The following LDB3 variants were observed in gnomAD, a reference collection of about 807,000 sequenced individuals.
LDB3 encodes LIM domain binding 3.
In LDB3, 49 loss-of-function variants were observed where a neutral mutation model predicts 69.0. That is an observed-to-expected ratio of 0.71 (90% CI 0.56 to 0.90). The LOEUF (loss-of-function observed/expected upper bound fraction) is 0.90. Among genes scored for constraint, LDB3 ranks in the 40% least tolerant of loss-of-function variants. The probability of loss-of-function intolerance (pLI) is 0.00; values close to 1 mark genes in which losing one functional copy is unlikely to be tolerated. For missense variants in LDB3, 928 were observed against 974.1 expected (o/e 0.95, Z 0.63); for synonymous variants, 387 against 396.2 (o/e 0.98, Z 0.28).
intron 7 of LDB3, chr10:86,700,072 C>T (rs1846194371): frequency 1.0e-6 from 1 of 985,790 alleles, no homozygotes; most frequent in Non-Finnish European, 1.2e-6. Context: ...TCATGCTGTG[C>T]CTGTGTGTGT....
upstream of LDB3, among the ~76,000 whole-genome samples, chr10:86,667,457 T>C (rs1262319999): frequency 6.6e-6 from 1 of 152,222 alleles, no homozygotes; most frequent in Non-Finnish European, 1.5e-5. Flanking sequence ...AAGACCGCAC[T>C]GGCAGAAGTC....
Position 86,689,470 on chromosome 10 carries a change from T to G in LDB3, c.690-2426T>G, listed in dbSNP as rs571416528. 5.9e-5 allele frequency among the ~76,000 whole-genome samples: 9 copies of G among 152,324 alleles called. No individual in the cohort carries two copies. The East Asian group carries it at 1.3e-3, about 23-fold the overall frequency. ...GCAAGTACTTGTCTCTTGGGGTTTG[T>G]CCAAATAATGTCACTGTGGTCACAG... On this transcript the variant is annotated intron_variant, in intron 5 of 13. Coordinates refer to ENST00000361373, the MANE Select transcript of LDB3 (RefSeq NM_007078.3).
chr10:86,681,559 C>T lies in LDB3; in HGVS notation c.445C>T (p.Pro149Ser). Residue 149 changes from proline to serine, a missense_variant, in exon 5 of 14, where the codon CCC (proline) becomes TCC (serine). Coordinates refer to ENST00000361373, the MANE Select transcript of LDB3 (RefSeq NM_007078.3). The stretch of plus-strand genomic sequence containing the variant: ...CACCTTTAGCCCTGCCTTCTCCCGG[C>T]CCTCCGCCTTCTCCTCACTCGCCGA... ...RPTFSPAFSRPSAFSSLAEAS... is the reference protein window; with the variant it reads ...RPTFSPAFSRSSAFSSLAEAS... 6.2e-7 allele frequency: 1 copy of T among 1,613,024 alleles called. No individual in the cohort carries two copies. Among genetic ancestry groups the T allele is most frequent in the Non-Finnish European group, 8.5e-7 (1 of 1,179,814 alleles).
At chr10:86,668,852 C>A in intron 2 of LDB3, 68 bp downstream of exon 2, 2 of 1,195,042 alleles carry the variant, frequency 1.7e-6, no homozygotes, top group East Asian at 2.4e-5. Context: ...CATGTGTGTC[C>A]GTCTGTCTGT....
chr10:86,686,998 C>T, intron 5 of LDB3: 1 of 1,466,180 alleles, frequency 6.8e-7, no homozygotes, highest in South Asian at 1.1e-5. Context: ...GCCTTGGCCA[C>T]CCATGTAACC....
chr10:86,693,515 G>A (rs1024376561), intron 7 of LDB3, among the ~76,000 whole-genome samples: 1 of 152,212 alleles, frequency 6.6e-6, no homozygotes, highest in Admixed American at 6.5e-5. Context: ...TAGGACTCTG[G>A]AGCCAGCTTA....
At chr10:86,675,912 T>C (rs945997890) in intron 2 of LDB3, among the ~76,000 whole-genome samples, 2 of 152,222 alleles carry the variant, frequency 1.3e-5, no homozygotes, top group African/African-American at 2.4e-5. Context: ...CAGGCCTGGC[T>C]GGGCAGCTCA....
intron 12 of LDB3, among the ~76,000 whole-genome samples, chr10:86,722,104 A>C (rs909182249): frequency 1.3e-5 from 2 of 152,356 alleles, no homozygotes; most frequent in African/African-American, 4.8e-5. Flanking sequence ...GTGAAGAAAA[A>C]TACCAACTTA....
intron 9 of LDB3, among the ~76,000 whole-genome samples, chr10:86,715,898 G>GGA (rs1197881583): frequency 6.6e-6 from 1 of 152,196 alleles, no homozygotes; most frequent in Non-Finnish European, 1.5e-5. Flanking sequence ...TTATGCCAAG[G>GGA]GAGGTATTTC....
chr10:86,700,780 G>C (rs140536047), intron 7 of LDB3, among the ~76,000 whole-genome samples: 147 of 152,336 alleles, frequency 9.6e-4, no homozygotes, highest in Non-Finnish European at 1.9e-3. Flanking sequence ...CCATTCACCT[G>C]ACCCAGGCCT....
chr10:86,693,452 GTA>G (rs1035371439), intron 7 of LDB3, among the ~76,000 whole-genome samples: 8 of 152,236 alleles, frequency 5.3e-5, no homozygotes, highest in Non-Finnish European at 1.0e-4. Flanking sequence ...CAAGCTTTCT[GTA>G]CTTGCTAACC....
At chr10:86,681,887 A>T in intron 5 of LDB3, 84 bp downstream of exon 5, 1 of 1,400,896 alleles carries the variant, frequency 7.1e-7, no homozygotes. Context: ...TCAGGTGGTC[A>T]GAGCGAGGCA....
intron 2 of LDB3, among the ~76,000 whole-genome samples, chr10:86,676,817 G>C (rs754858729): frequency 2.6e-5 from 4 of 152,232 alleles, no homozygotes; most frequent in Non-Finnish European, 5.9e-5. Flanking sequence ...TCCTGGTTTG[G>C]AAGGGGCTTC....
intron 10 of LDB3, 54 bp from the exon 11 acceptor site, chr10:86,717,910 C>G: frequency 1.3e-6 from 2 of 1,556,052 alleles, no homozygotes; most frequent in East Asian, 2.2e-5. Flanking sequence ...CTTCAAATAT[C>G]TAATTCCAAG....
chr10:86,706,823 C>T (rs1052272024), intron 8 of LDB3, 104 bp downstream of exon 8: 18 of 1,290,388 alleles, frequency 1.4e-5, no homozygotes, highest in South Asian at 5.7e-5. Flanking sequence ...AGTTAGGGCC[C>T]GCAGGCCTAG....
Position 86,706,607 on chromosome 10 carries a change from G to C in LDB3, c.973G>C (p.Ala325Pro). 6.2e-7 allele frequency: 1 copy of C among 1,613,154 alleles called. No homozygotes were observed. Among genetic ancestry groups the C allele is most frequent in the Non-Finnish European group, 8.5e-7 (1 of 1,179,956 alleles). The change falls in exon 8 of 14, where the codon GCT becomes CCT. Residue 325 changes from alanine (A) to proline (P), a missense_variant. By Grantham distance (27) the Ala-to-Pro change is conservative. Coordinates refer to ENST00000361373, the MANE Select transcript of LDB3 (RefSeq NM_007078.3). The stretch of plus-strand genomic sequence containing the variant: ...GCTGCCCGCTTCTGCCCAGCCACCT[G>C]CTGCTGCCTCTCCCAGTGCGGCTTC... ...PLLPASAQPP[A>P]AASPSAASPP...
At chr10:86,669,079 G>A (rs1255344743) in intron 2 of LDB3, among the ~76,000 whole-genome samples, 1 of 152,232 alleles carries the variant, frequency 6.6e-6, no homozygotes, top group Admixed American at 6.5e-5. Flanking sequence ...TGGACAGAGA[G>A]TACAGCACCT....
intron 7 of LDB3, among the ~76,000 whole-genome samples, chr10:86,704,127 G>GAAA (rs138773206): frequency 7.5e-6 from 1 of 133,112 alleles, no homozygotes; most frequent in South Asian, 2.4e-4. Context: ...TTAAAAAAGA[G>GAAA]AAAAAAAAAA....
In LDB3 at chr10:86,726,207, C is replaced by T. The variant is rs377178682; in HGVS notation, c.2049C>T (p.Ile683=). 4.3e-6 allele frequency: 7 copies of T among 1,613,978 alleles called. No homozygotes were observed. Among genetic ancestry groups the T allele is most frequent in the Admixed American group, 1.7e-5 (1 of 60,008 alleles). Residue 683 remains isoleucine, a synonymous_variant, in exon 13 of 14, where the codon ATC becomes ATT. Coordinates refer to ENST00000361373, the MANE Select transcript of LDB3 (RefSeq NM_007078.3). ...CCGTGGAGGCTGGCGACAAGTTTAT[C>T]GAAGCCCTGGGCCACACTTGGCACG... The part of the protein sequence containing the change: ...DFPVEAGDKF[I]EALGHTWHDT...
Sources: gnomAD v4.1 joint callset for allele counts (sites outside exome capture counted in the v4.1 genomes callset) on GRCh38, gnomAD v4.1.1 for gene constraint, MANE v1.5 for transcripts, NCBI Gene and HGNC (gene_info 2026-07-23, HGNC 2026-07-21) for gene names.